Variants in H4C13 observed in about 807,000 individuals in gnomAD.
The protein encoded by H4C13 is H4 clustered histone 13.
A neutral mutation model predicts 5.2 loss-of-function variants in H4C13; 11 were observed. That is an observed-to-expected ratio of 2.13 (90% CI 1.34 to 3.52). The LOEUF is 3.52. Ranked by LOEUF, H4C13 falls within the 30% of genes most tolerant of loss-of-function variation. The pLI is 0.00. For synonymous variants in H4C13, 94 were observed against 59.4 expected (o/e 1.58, Z -2.68); for missense variants, 171 against 146.8 (o/e 1.17, Z -0.85).
Position 27,873,179 on chromosome 6 carries a change from C to T in H4C13, c.*20G>A, listed in dbSNP as rs766557945. On this transcript the variant is annotated 3_prime_UTR_variant, in exon 1 of 1. Transcript: ENST00000618305. ...GCCCTGAGAAGGGCCTTTGAGGAAC[C>T]GTGTAAGTAAGTAAAACACTCAGCC... The T allele has an allele frequency of 2.5e-6, 4 of 1,603,932 alleles. No individual in the cohort carries two copies. The highest frequency in any genetic ancestry group is 1.1e-5 in the South Asian group (1 of 89,828).
Position 27,873,515 on chromosome 6 carries a change from T to C in H4C13, c.-5A>G. ...GCCTTTGCCGCGCCCAGACATGTCT[T>C]GTACTAAACAAAATGCAACACGGCA... On this transcript the variant is annotated 5_prime_UTR_variant, in exon 1 of 1. Coordinates refer to ENST00000618305, the MANE Select transcript of H4C13 (RefSeq NM_003546.3). The C allele has an allele frequency of 6.9e-6, 11 of 1,594,368 alleles. No homozygotes were observed. The highest frequency in any genetic ancestry group is 1.1e-5 in the South Asian group (1 of 89,596).
Position 27,873,452 on chromosome 6 carries a change from C to T in H4C13, c.59G>A (p.Arg20His). 1 of 1,614,192 alleles carries T rather than the reference C, an allele frequency of 6.2e-7. No homozygotes were observed. The highest frequency in any genetic ancestry group is 8.5e-7 in the Non-Finnish European group (1 of 1,179,992). ...CTGAATGTTGTCGCGCAGAACTTTGCGGTGGCGCTTAGCGCCTCCTTTGCC... is the reference window on the plus strand; with the variant it reads ...CTGAATGTTGTCGCGCAGAACTTTGTGGTGGCGCTTAGCGCCTCCTTTGCC... ...GLGKGGAKRHRKVLRDNIQGI... is the reference protein window; with the variant it reads ...GLGKGGAKRHHKVLRDNIQGI... The change falls in exon 1 of 1, where the codon CGC becomes CAC. Residue 20 changes from arginine to histidine, a missense_variant. Coordinates refer to ENST00000618305, the MANE Select transcript of H4C13 (RefSeq NM_003546.3).
chr6:27,873,511 G>A lies in H4C13; in HGVS notation c.-1C>T, dbSNP rs767523621. ...TCCCGCCTTTGCCGCGCCCAGACAT[G>A]TCTTGTACTAAACAAAATGCAACAC... On this transcript the variant is annotated 5_prime_UTR_variant, in exon 1 of 1. Transcript: ENST00000618305. 9 of 1,601,116 alleles carry A rather than the reference G, an allele frequency of 5.6e-6. No individual in the cohort carries two copies. The highest frequency in any genetic ancestry group is 4.0e-5 in the African/African-American group (3 of 74,272).
At position 27,873,204 on chromosome 6, in the gene H4C13, C is replaced by A. The variant is rs45526033; in HGVS notation, c.307G>T (p.Gly103Cys). Residue 103 changes from glycine (G) to cysteine (C), a missense_variant, in exon 1 of 1, where the codon GGC becomes TGC. Transcript: ENST00000618305. ...CGTGTAAGTAAGTAAAACACTCAGC[C>A]GCCAAAGCCATACAGGGTGCGGCCC... The part of the protein sequence containing the change: ...RQGRTLYGFG[G>C] 1.9e-6 allele frequency: 3 copies of A among 1,613,046 alleles called. No individual in the cohort carries two copies. The highest frequency in any genetic ancestry group is 2.5e-6 in the Non-Finnish European group (3 of 1,179,496).
Position 27,873,182 on chromosome 6 carries a change from G to T in H4C13, c.*17C>A. The T allele has an allele frequency of 6.2e-7, 1 of 1,608,182 alleles. No homozygotes were observed. Among genetic ancestry groups the T allele is most frequent in the Non-Finnish European group, 8.5e-7 (1 of 1,176,860 alleles). ...CTGAGAAGGGCCTTTGAGGAACCGTGTAAGTAAGTAAAACACTCAGCCGCC... is the reference window on the plus strand; with the variant it reads ...CTGAGAAGGGCCTTTGAGGAACCGTTTAAGTAAGTAAAACACTCAGCCGCC... On this transcript the variant is annotated 3_prime_UTR_variant, in exon 1 of 1. Transcript: ENST00000618305.
rs751420095 is a variant in H4C13, at chr6:27,873,394, T to C, written c.117A>G (p.Ala39=). ...AGATGCGCTTAACGCCTCCACGCCG[T>C]GCCAGGCGTCGGATGGCGGGCTTGG... ...GITKPAIRRL[A]RRGGVKRISG... Residue 39 remains alanine (A), a synonymous_variant, in exon 1 of 1, where the codon GCA becomes GCG. Coordinates refer to ENST00000618305, the MANE Select transcript of H4C13 (RefSeq NM_003546.3). The C allele has an allele frequency of 6.2e-6, 10 of 1,614,170 alleles. No homozygotes were observed. Among genetic ancestry groups the C allele is most frequent in the African/African-American group, 1.3e-5 (1 of 74,966 alleles).
rs1761656340 is a variant in H4C13, at chr6:27,873,486, TCCCGCCTTTG to T, written c.15_24del (p.Lys6ArgfsTer58). 6.2e-7 allele frequency: 1 copy of T among 1,611,524 alleles called. No individual in the cohort carries two copies. Among genetic ancestry groups the T allele is most frequent in the East Asian group, 2.2e-5 (1 of 44,802 alleles). ...TTAGCGCCTCCTTTGCCCAGACCCT[TCCCGCCTTTG>T]CCGCGCCCAGACATGTCTTGTACTA... On this transcript the variant is annotated frameshift_variant, in exon 1 of 1. Transcript: ENST00000618305. LOFTEE classifies it high-confidence loss of function.
rs1159621614 is a variant in H4C13 at position 27,873,532 on chromosome 6, A to C, written c.-22T>G. 1.3e-6 allele frequency: 2 copies of C among 1,580,504 alleles called. No homozygotes were observed. The highest frequency in any genetic ancestry group is 1.7e-6 in the Non-Finnish European group (2 of 1,161,862). On this transcript the variant is annotated 5_prime_UTR_variant, in exon 1 of 1. Transcript: ENST00000618305. Reference sequence around the variant, plus strand: ...ACATGTCTTGTACTAAACAAAATGCAACACGGCAAGCCTCGCAGCAGTACT... The same window carrying C: ...ACATGTCTTGTACTAAACAAAATGCCACACGGCAAGCCTCGCAGCAGTACT...
Position 27,873,281 on chromosome 6 carries a change from G to A in H4C13, c.230C>T (p.Ala77Val). ...IRDAVTYTEH[A>V]KRKTVTAMDV... ...CATGGCTGTGACTGTCTTGCGTTTG[G>A]CGTGCTCCGTGTAGGTAACTGCATC... is the stretch of plus-strand genomic sequence containing the variant. The change falls in exon 1 of 1, where the codon GCC becomes GTC. Residue 77 changes from alanine to valine, a missense_variant. Physicochemically the swap from Ala to Val is moderately conservative, Grantham distance 64. Transcript: ENST00000618305. The A allele has an allele frequency of 6.2e-7, 1 of 1,614,256 alleles. No homozygotes were observed. The highest frequency in any genetic ancestry group is 8.5e-7 in the Non-Finnish European group (1 of 1,180,042).
In H4C13 at chr6:27,873,164, G is replaced by A. The variant is rs773288079; in HGVS notation, c.*35C>T. 4.4e-6 allele frequency: 7 copies of A among 1,588,232 alleles called. No homozygotes were observed. The East Asian group carries it at 9.0e-5, about 20-fold the overall frequency. On this transcript the variant is annotated 3_prime_UTR_variant, in exon 1 of 1. Transcript: ENST00000618305. ...CAGACTTCATGGGTGGCCCTGAGAA[G>A]GGCCTTTGAGGAACCGTGTAAGTAA...
chr6:27,873,476 C>G lies in H4C13; in HGVS notation c.35G>C (p.Gly12Ala). ...GCGGTGGCGCTTAGCGCCTCCTTTG[C>G]CCAGACCCTTCCCGCCTTTGCCGCG... ...SGRGKGGKGL[G>A]KGGAKRHRKV... is the part of the protein sequence containing the mutation. The change falls in exon 1 of 1, where the codon GGC becomes GCC. Residue 12 changes from glycine to alanine, a missense_variant. Physicochemically the swap from Gly to Ala is moderately conservative, Grantham distance 60. Coordinates refer to ENST00000618305, the MANE Select transcript of H4C13 (RefSeq NM_003546.3). 6.2e-7 allele frequency: 1 copy of G among 1,612,990 alleles called. No individual in the cohort carries two copies.
At position 27,873,178 on chromosome 6, in the gene H4C13, C is replaced by T; in HGVS notation, c.*21G>A. ...GGCCCTGAGAAGGGCCTTTGAGGAA[C>T]CGTGTAAGTAAGTAAAACACTCAGC... On this transcript the variant is annotated 3_prime_UTR_variant, in exon 1 of 1. Coordinates refer to ENST00000618305, the MANE Select transcript of H4C13 (RefSeq NM_003546.3). The T allele has an allele frequency of 1.9e-6, 3 of 1,603,022 alleles. No individual in the cohort carries two copies.
chr6:27,873,243 C>G lies in H4C13; in HGVS notation c.268G>C (p.Ala90Pro). 6.2e-7 allele frequency: 1 copy of G among 1,614,296 alleles called. No individual in the cohort carries two copies. Among genetic ancestry groups the G allele is most frequent in the Middle Eastern group, 1.6e-4 (1 of 6,062 alleles). ...KTVTAMDVVY[A>P]LKRQGRTLYG... The stretch of plus-strand genomic sequence containing the variant: ...AGGGTGCGGCCCTGGCGCTTGAGCG[C>G]GTAAACCACGTCCATGGCTGTGACT... The change falls in exon 1 of 1, where the codon GCG becomes CCG. Residue 90 changes from alanine (A) to proline (P), a missense_variant. Coordinates refer to ENST00000618305, the MANE Select transcript of H4C13 (RefSeq NM_003546.3).
At position 27,873,474 on chromosome 6, in the gene H4C13, T is replaced by C. The variant is rs1761655560; in HGVS notation, c.37A>G (p.Lys13Glu). Residue 13 changes from lysine (K) to glutamate (E), a missense_variant, in exon 1 of 1, where the codon AAA becomes GAA. Transcript: ENST00000618305. ...TTGCGGTGGCGCTTAGCGCCTCCTT[T>C]GCCCAGACCCTTCCCGCCTTTGCCG... Reference protein sequence around the residue: ...GRGKGGKGLGKGGAKRHRKVL... With the variant: ...GRGKGGKGLGEGGAKRHRKVL... 2 of 1,613,084 alleles carry C rather than the reference T, an allele frequency of 1.2e-6. No homozygotes were observed. Among genetic ancestry groups the C allele is most frequent in the East Asian group, 2.2e-5 (1 of 44,836 alleles).
At position 27,873,296 on chromosome 6, in the gene H4C13, G is replaced by GTT. The variant is rs747104571; in HGVS notation, c.214_215insAA (p.Thr72LysfsTer?). 3 of 1,614,156 alleles carry GTT rather than the reference G, an allele frequency of 1.9e-6. No individual in the cohort carries two copies. The highest frequency in any genetic ancestry group is 2.5e-6 in the Non-Finnish European group (3 of 1,180,060). On this transcript the variant is annotated frameshift_variant, in exon 1 of 1. Coordinates refer to ENST00000618305, the MANE Select transcript of H4C13 (RefSeq NM_003546.3). LOFTEE classifies it high-confidence loss of function. Reference sequence around the variant, plus strand: ...CTTGCGTTTGGCGTGCTCCGTGTAGGTAACTGCATCGCGGATTACATTCTC... The same window carrying GTT: ...CTTGCGTTTGGCGTGCTCCGTGTAGGTTTAACTGCATCGCGGATTACATTCTC...
Position 27,873,456 on chromosome 6 carries a change from G to A in H4C13, c.55C>T (p.His19Tyr). The change falls in exon 1 of 1, where the codon CAC (histidine) becomes TAC (tyrosine). Residue 19 changes from histidine to tyrosine, a missense_variant. Transcript: ENST00000618305. ...KGLGKGGAKRHRKVLRDNIQG... is the reference protein window; with the variant it reads ...KGLGKGGAKRYRKVLRDNIQG... ...ATGTTGTCGCGCAGAACTTTGCGGT[G>A]GCGCTTAGCGCCTCCTTTGCCCAGA... The A allele has an allele frequency of 1.2e-6, 2 of 1,614,176 alleles. No individual in the cohort carries two copies. Among genetic ancestry groups the A allele is most frequent in the Non-Finnish European group, 1.7e-6 (2 of 1,180,000 alleles).
Position 27,873,460 on chromosome 6 carries a change from C to G in H4C13, c.51G>C (p.Lys17Asn), listed in dbSNP as rs756323099. The G allele has an allele frequency of 1.9e-6, 3 of 1,614,136 alleles. No individual in the cohort carries two copies. The highest frequency in any genetic ancestry group is 2.5e-6 in the Non-Finnish European group (3 of 1,179,978). The stretch of plus-strand genomic sequence containing the variant: ...TGTCGCGCAGAACTTTGCGGTGGCG[C>G]TTAGCGCCTCCTTTGCCCAGACCCT... ...GGKGLGKGGA[K>N]RHRKVLRDNI... is the part of the protein sequence containing the mutation. The change falls in exon 1 of 1, where the codon AAG becomes AAC. Residue 17 changes from lysine to asparagine, a missense_variant. Lys to Asn is a moderately conservative substitution (Grantham distance 94). Coordinates refer to ENST00000618305, the MANE Select transcript of H4C13 (RefSeq NM_003546.3).
In H4C13 at chr6:27,873,521, A is replaced by G. The variant is rs754090228; in HGVS notation, c.-11T>C. 5.0e-6 allele frequency: 8 copies of G among 1,589,020 alleles called. No homozygotes were observed. Among genetic ancestry groups the G allele is most frequent in the Non-Finnish European group, 6.9e-6 (8 of 1,166,378 alleles). ...GCCGCGCCCAGACATGTCTTGTACT[A>G]AACAAAATGCAACACGGCAAGCCTC... On this transcript the variant is annotated 5_prime_UTR_variant, in exon 1 of 1. Coordinates refer to ENST00000618305, the MANE Select transcript of H4C13 (RefSeq NM_003546.3).
Position 27,873,257 on chromosome 6 carries a change from A to G in H4C13, c.254T>C (p.Met85Thr), listed in dbSNP as rs145023904. 351 of 1,614,168 alleles carry G rather than the reference A, an allele frequency of 2.2e-4. No individual in the cohort carries two copies. Among genetic ancestry groups the G allele is most frequent in the Non-Finnish European group, 2.9e-4 (344 of 1,180,054 alleles). The change falls in exon 1 of 1, where the codon ATG (methionine) becomes ACG (threonine). Residue 85 changes from methionine (M) to threonine (T), a missense_variant. Physicochemically the swap from Met to Thr is moderately conservative, Grantham distance 81 (BLOSUM62 -1). Coordinates refer to ENST00000618305, the MANE Select transcript of H4C13 (RefSeq NM_003546.3). ...GCGCTTGAGCGCGTAAACCACGTCC[A>G]TGGCTGTGACTGTCTTGCGTTTGGC... ...EHAKRKTVTAMDVVYALKRQG... is the reference protein window; with the variant it reads ...EHAKRKTVTATDVVYALKRQG...
Sources: gnomAD v4.1 joint callset for allele counts on GRCh38, gnomAD v4.1.1 for gene constraint, MANE v1.5 for transcripts, NCBI Gene and HGNC (gene_info 2026-07-23, HGNC 2026-07-21) for gene names.